Variants in PPIG observed in about 807,000 individuals in gnomAD.
The protein encoded by PPIG is peptidylprolyl isomerase G, also known as peptidyl-prolyl cis-trans isomerase G.
PPIG carries 26 observed loss-of-function variants against 87.9 expected under a neutral mutation model. The ratio of observed to expected loss-of-function variants is 0.30; its 90% CI spans 0.22 to 0.41. PPIG has a LOEUF of 0.41. Ranked by LOEUF, PPIG falls within the 10% of genes least tolerant of loss-of-function variation. PPIG has a pLI of 1.00. For synonymous variants in PPIG, 308 were observed against 276.5 expected (o/e 1.11, Z -1.13); for missense variants, 722 against 879.4 (o/e 0.82, Z 2.26).
At chr2:169,615,306 C>G (rs746668921) in intron 9 of PPIG, among the ~76,000 whole-genome samples, 26 of 152,190 alleles carry the variant, frequency 1.7e-4, no homozygotes, top group Non-Finnish European at 7.3e-5. Flanking sequence ...CTTGGCCCCC[C>G]AAAGTGCTGG....
intron 9 of PPIG, among the ~76,000 whole-genome samples, chr2:169,630,455 G>C (rs1686013614): frequency 6.6e-6 from 1 of 152,130 alleles, no homozygotes; most frequent in Admixed American, 6.5e-5. Context: ...TACAAGATTA[G>C]AACATGGGAC....
intron 9 of PPIG, among the ~76,000 whole-genome samples, chr2:169,619,469 G>T (rs1685686278): frequency 6.6e-6 from 1 of 152,136 alleles, no homozygotes; most frequent in African/African-American, 2.4e-5. Flanking sequence ...TGACAGTGGG[G>T]TGTTAAAGTC....
Position 169,637,186 on chromosome 2 carries a change from A to G in PPIG, c.1928A>G (p.Lys643Arg), listed in dbSNP as rs1207158200. The G allele has an allele frequency of 3.1e-6, 5 of 1,613,440 alleles. No homozygotes were observed. Among genetic ancestry groups the G allele is most frequent in the African/African-American group, 1.3e-5 (1 of 75,026 alleles). The change falls in exon 14 of 14, where the codon AAA becomes AGA. Residue 643 changes from lysine (K) to arginine (R), a missense_variant. Lys to Arg is a conservative substitution (Grantham distance 26, BLOSUM62 2). Around this residue, in one of 4 missense-constraint regions of PPIG, gnomAD observed 476 missense variants for 483.1 expected, o/e 0.99. Transcript: ENST00000260970. Reference sequence around the variant, plus strand: ...GAAAGTCAAAGCAGAAACAAAGACAAATACAGAAACCAAGAGAGTAAGAGC... The same window carrying G: ...GAAAGTCAAAGCAGAAACAAAGACAGATACAGAAACCAAGAGAGTAAGAGC... The part of the protein sequence containing the change: ...REESQSRNKD[K>R]YRNQESKSSH...
At chr2:169,606,247 C>G (rs1046886397) in intron 5 of PPIG, 101 bp downstream of exon 5, 2 of 832,722 alleles carry the variant, frequency 2.4e-6, no homozygotes, top group Non-Finnish European at 4.0e-6. Context: ...TTGTCACTCT[C>G]ACTCCATTTA....
intron 1 of PPIG, among the ~76,000 whole-genome samples, chr2:169,595,829 GT>G (rs1290094818): frequency 6.6e-6 from 1 of 152,184 alleles, no homozygotes; most frequent in East Asian, 1.9e-4. Flanking sequence ...TTGAGACTGA[GT>G]TTCGCTCTTG....
At chr2:169,629,734 G>C (rs546217848) in intron 9 of PPIG, among the ~76,000 whole-genome samples, 3 of 152,288 alleles carry the variant, frequency 2.0e-5, no homozygotes, top group Non-Finnish European at 4.4e-5. Flanking sequence ...TGGGTTATCA[G>C]TGCCTCACAA....
intron 1 of PPIG, among the ~76,000 whole-genome samples, chr2:169,588,449 C>G (rs565795425): frequency 2.6e-5 from 4 of 152,256 alleles, no homozygotes; most frequent in African/African-American, 9.6e-5. Context: ...CTCATTTCAT[C>G]TCTTTTGTCC....
In PPIG at chr2:169,639,693, T is replaced by A. The variant is rs190111488; in HGVS notation, c.*2170T>A. On this transcript the variant is annotated 3_prime_UTR_variant, in exon 14 of 14. Transcript: ENST00000260970. Reference sequence around the variant, plus strand: ...GAGTTGAGAGGACAATCAACTAGATTTTATTTTTAGAATATAAAGAACATT... The same window carrying A: ...GAGTTGAGAGGACAATCAACTAGATATTATTTTTAGAATATAAAGAACATT... 28 of 152,244 alleles carry A rather than the reference T, an allele frequency of 1.8e-4. No homozygotes were observed. The highest frequency in any genetic ancestry group is 1.8e-3 in the Admixed American group (28 of 15,278). 9.4% of individuals were successfully genotyped at this position (152,244 alleles called of 1,614,324 possible).
chr2:169,612,043 A>T (rs1268741616), intron 7 of PPIG, among the ~76,000 whole-genome samples: 2 of 151,596 alleles, frequency 1.3e-5, no homozygotes, highest in African/African-American at 2.4e-5. Flanking sequence ...TGGCACAATC[A>T]TAGCTCACTG....
At chr2:169,617,024 G>C (rs754515251) in intron 9 of PPIG, among the ~76,000 whole-genome samples, 1 of 151,990 alleles carries the variant, frequency 6.6e-6, no homozygotes, top group Non-Finnish European at 1.5e-5. Flanking sequence ...GTTAATTTTT[G>C]TGTTAATTTT....
intron 9 of PPIG, among the ~76,000 whole-genome samples, chr2:169,615,733 A>G (rs899109169): frequency 6.6e-6 from 1 of 152,162 alleles, no homozygotes; most frequent in Non-Finnish European, 1.5e-5. Flanking sequence ...TATCTTAGCT[A>G]TTGTGAATAA....
chr2:169,624,789 A>G lies in PPIG; in HGVS notation c.548-5985A>G, dbSNP rs567442760. On this transcript the variant is annotated intron_variant, in intron 9 of 13. Coordinates refer to ENST00000260970, the MANE Select transcript of PPIG (RefSeq NM_004792.3). ...GTATTTTTAGTAGAGATGGGGTTTC[A>G]CCATGTTAGCCAGGATGGTCTTGAT... Among the ~76,000 whole-genome samples, 553 of 152,102 alleles carry G rather than the reference A, an allele frequency of 3.6e-3. 4 individuals carry two copies. The highest frequency in any genetic ancestry group is 3.4e-3 in the Non-Finnish European group (230 of 67,978).
At chr2:169,602,326 T>G (rs1398159151) in intron 1 of PPIG, among the ~76,000 whole-genome samples, 1 of 152,114 alleles carries the variant, frequency 6.6e-6, no homozygotes, top group African/African-American at 2.4e-5. Context: ...AGCCTGGTTT[T>G]TGTTTGATTG....
intron 1 of PPIG, among the ~76,000 whole-genome samples, chr2:169,587,448 G>A (rs370175210): frequency 1.2e-3 from 180 of 151,696 alleles, no homozygotes; most frequent in Non-Finnish European, 1.9e-3. Flanking sequence ...CACCATGTTG[G>A]TTAGGCTGGT....
chr2:169,590,602 C>T (rs1364754011), intron 1 of PPIG, among the ~76,000 whole-genome samples: 1 of 151,838 alleles, frequency 6.6e-6, no homozygotes, highest in Admixed American at 6.6e-5. Flanking sequence ...GAGGTCACGC[C>T]ACTGCACTCC....
intron 7 of PPIG, among the ~76,000 whole-genome samples, chr2:169,610,524 CAA>C (rs1685456715): frequency 6.6e-6 from 1 of 151,184 alleles, no homozygotes; most frequent in African/African-American, 2.4e-5. Context: ...GTAACATTTC[CAA>C]AGTCAAAACA....
At chr2:169,608,826 T>TA (rs1415501387) in intron 7 of PPIG, 68 bp downstream of exon 7, 1 of 1,111,208 alleles carries the variant, frequency 9.0e-7, no homozygotes, top group African/African-American at 1.6e-5. Flanking sequence ...CTCATGCCTG[T>TA]AATCCCAGGA....
intron 7 of PPIG, among the ~76,000 whole-genome samples, chr2:169,610,339 T>C (rs191099740): frequency 1.3e-5 from 2 of 152,330 alleles, no homozygotes; most frequent in Admixed American, 1.3e-4. Context: ...TTAGACTGAG[T>C]GTAGGTAGTT....
chr2:169,604,327 G>A, intron 4 of PPIG, 66 bp downstream of exon 4: 3 of 344,820 alleles, frequency 8.7e-6, no homozygotes, highest in Non-Finnish European at 1.4e-5. Context: ...TGCTTGCTTG[G>A]TTTTTTTTTT....
Sources: gnomAD v4.1 joint callset for allele counts (sites outside exome capture counted in the v4.1 genomes callset) on GRCh38, gnomAD v4.1.1 for gene constraint, gnomAD v4.1.1 regional missense constraint, MANE v1.5 for transcripts, NCBI Gene and HGNC (gene_info 2026-07-23, HGNC 2026-07-21) for gene names.